PPP1R13B: variants seen among roughly 807,000 people sequenced by gnomAD.
PPP1R13B encodes apoptosis-stimulating of p53 protein 1.
In PPP1R13B, 44 loss-of-function variants were observed where a neutral mutation model predicts 119.8. The ratio of observed to expected loss-of-function variants is 0.37; its 90% confidence interval spans 0.29 to 0.47. The LOEUF is 0.47. PPP1R13B is among the 20% of genes least tolerant of loss of function. The probability of loss-of-function intolerance (pLI) is 0.99; values close to 1 mark genes in which losing one functional copy is unlikely to be tolerated. For synonymous variants in PPP1R13B, 542 were observed against 561.5 expected, an observed-to-expected ratio of 0.97 and a Z score of 0.49; for missense variants, 1,227 against 1,413.5, an observed-to-expected ratio of 0.87 and a Z score of 2.12.
At chr14:103,839,898 C>T (rs2086864247) in intron 1 of PPP1R13B, among the ~76,000 whole-genome samples, 1 of 152,198 alleles carries the variant, frequency 6.6e-6, no homozygotes, top group Non-Finnish European at 1.5e-5. Context: ...CCTCAGTTAA[C>T]ATTTTCTCTA....
intron 1 of PPP1R13B, among the ~76,000 whole-genome samples, chr14:103,806,190 T>A (rs1237352461): frequency 6.6e-6 from 1 of 152,188 alleles, no homozygotes; most frequent in Non-Finnish European, 1.5e-5. Context: ...AAGCTGCTCC[T>A]TAGTCTATCT....
chr14:103,831,623 T>C (rs559670595), intron 1 of PPP1R13B, among the ~76,000 whole-genome samples: 1 of 151,210 alleles, frequency 6.6e-6, no homozygotes, highest in African/African-American at 2.4e-5. Context: ...TTTTGCCTTT[T>C]TAAAGAGGCT....
chr14:103,774,649 C>T lies in PPP1R13B; in HGVS notation c.354+4096G>A, dbSNP rs150083276. ...TCCTGCCCTTCTCTTCCAACCCACACTCCCCCCTTTCTTCACAGCTCTCCT... is the reference window on the plus strand; with the variant it reads ...TCCTGCCCTTCTCTTCCAACCCACATTCCCCCCTTTCTTCACAGCTCTCCT... On this transcript the variant is annotated intron_variant, in intron 4 of 16. Transcript: ENST00000202556. Among the ~76,000 whole-genome samples the T allele has an allele frequency of 4.4e-3, 670 of 152,182 alleles. 4 individuals carry two copies. The highest frequency in any genetic ancestry group is 0.014 in the Middle Eastern group (4 of 294).
intron 1 of PPP1R13B, among the ~76,000 whole-genome samples, chr14:103,810,875 G>A (rs1212755515): frequency 6.6e-6 from 1 of 151,226 alleles, no homozygotes; most frequent in Non-Finnish European, 1.5e-5. Flanking sequence ...GATCACTTGA[G>A]GTCAGGAGTT....
Position 103,843,887 on chromosome 14 carries a change from A to AG in PPP1R13B, c.9+3411dup, listed in dbSNP as rs1377139330. ...AGAATCACTTGAACCCAGGAGGCAG[A>AG]GGTTGCAGTGAGCCGAGGTCATGCC... is the stretch of plus-strand genomic sequence containing the variant. On this transcript the variant is annotated intron_variant, in intron 1 of 16. Transcript: ENST00000202556. Among the ~76,000 whole-genome samples, 3 of 150,360 alleles carry AG rather than the reference A, an allele frequency of 2.0e-5. No individual in the cohort carries two copies. In the East Asian group the frequency reaches 5.9e-4, roughly 29 times the overall value.
Position 103,737,787 on chromosome 14 carries a change from TGGC to T in PPP1R13B, c.2935_2937del (p.Ala979del). 1 of 1,614,162 alleles carries T rather than the reference TGGC, an allele frequency of 6.2e-7. No individual in the cohort carries two copies. Among genetic ancestry groups the T allele is most frequent in the Non-Finnish European group, 8.5e-7 (1 of 1,180,018 alleles). On this transcript the variant is annotated inframe_deletion, in exon 15 of 17. Coordinates refer to ENST00000202556, the MANE Select transcript of PPP1R13B (RefSeq NM_015316.3). ...ATGTCGCTTATGGTTGAGGCAAAAA[TGGC>T]GGCACCACTCTCCACCAGCTGTTTG...
chr14:103,778,665 CA>C, intron 4 of PPP1R13B, 79 bp downstream of exon 4: 2 of 1,219,210 alleles, frequency 1.6e-6, no homozygotes, highest in South Asian at 2.5e-5. Flanking sequence ...CTTGGCCTCC[CA>C]AAGTGCTGAG....
At chr14:103,785,807 A>G (rs2085449602) in intron 2 of PPP1R13B, among the ~76,000 whole-genome samples, 1 of 152,120 alleles carries the variant, frequency 6.6e-6, no homozygotes, top group Admixed American at 6.6e-5. Flanking sequence ...GGTGTGAGCC[A>G]CTATGCTCAG....
intron 1 of PPP1R13B, among the ~76,000 whole-genome samples, chr14:103,841,947 G>A (rs957475471): frequency 1.3e-5 from 2 of 152,110 alleles, no homozygotes; most frequent in Admixed American, 6.5e-5. Flanking sequence ...ACTGAGGCCC[G>A]AAGAGACTAA....
chr14:103,750,269 G>A (rs1434783651), intron 7 of PPP1R13B, among the ~76,000 whole-genome samples: 2 of 152,216 alleles, frequency 1.3e-5, no homozygotes, highest in African/African-American at 4.8e-5. Context: ...CTTCAGGCCT[G>A]AGCCCACCAC....
At chr14:103,735,676 G>C (rs534171146) in intron 16 of PPP1R13B, among the ~76,000 whole-genome samples, 3 of 152,370 alleles carry the variant, frequency 2.0e-5, no homozygotes, top group Admixed American at 2.0e-4. Flanking sequence ...CTAGGCTGCA[G>C]AGATTTCTAG....
intron 1 of PPP1R13B, among the ~76,000 whole-genome samples, chr14:103,841,691 A>G (rs1200810831): frequency 6.6e-6 from 1 of 152,204 alleles, no homozygotes; most frequent in African/African-American, 2.4e-5. Context: ...AAGTCACCTA[A>G]TTCTTAATTA....
intron 2 of PPP1R13B, among the ~76,000 whole-genome samples, chr14:103,796,684 C>CGGT (rs1214569390): frequency 2.0e-5 from 3 of 152,100 alleles, no homozygotes; most frequent in Non-Finnish European, 4.4e-5. Flanking sequence ...TTGTCAGGTG[C>CGGT]GGTGGCTCAT....
chr14:103,823,901 G>T (rs529256874), intron 1 of PPP1R13B, among the ~76,000 whole-genome samples: 1 of 151,604 alleles, frequency 6.6e-6, no homozygotes, highest in Non-Finnish European at 1.5e-5. Context: ...TAAACAGCAG[G>T]TACATACATA....
rs1269761440 is a variant in PPP1R13B, at chr14:103,737,386, G to A, written c.3031+308C>T. On this transcript the variant is annotated intron_variant, in intron 15 of 16. Transcript: ENST00000202556. ...TCGAGACCACCCTGGGCAACATGGC[G>A]AAACACTGTCTCTACAAAAAAAAAA... 12 of 236,516 alleles carry A rather than the reference G, an allele frequency of 5.1e-5. 1 individual carries two copies. The highest frequency in any genetic ancestry group is 1.9e-4 in the African/African-American group (8 of 42,300). The allele number at this position is 236,516 out of a possible 1,614,324, so 14.7% of individuals were successfully genotyped here.
intron 1 of PPP1R13B, among the ~76,000 whole-genome samples, chr14:103,799,610 G>GTT (rs1282112848): frequency 8.7e-6 from 1 of 114,598 alleles, no homozygotes; most frequent in African/African-American, 3.8e-5. Context: ...ACTGTGCCGG[G>GTT]TTTTTTGTTT....
intron 4 of PPP1R13B, among the ~76,000 whole-genome samples, chr14:103,771,916 C>A (rs1283274060): frequency 6.6e-6 from 1 of 151,028 alleles, no homozygotes; most frequent in African/African-American, 2.5e-5. Context: ...GAAATCAGCA[C>A]AATCAAGAAA....
intron 15 of PPP1R13B, 68 bp downstream of exon 15, chr14:103,737,626 G>T: frequency 1.3e-6 from 2 of 1,535,642 alleles, no homozygotes; most frequent in South Asian, 1.2e-5. Context: ...CTCTGGCACC[G>T]GCTGACTGTT....
At chr14:103,748,441 A>T (rs11623518) in intron 8 of PPP1R13B, among the ~76,000 whole-genome samples, 12,132 of 152,272 alleles carry the variant, frequency 0.08, 534 homozygotes, top group Middle Eastern at 0.12. Flanking sequence ...CTTCAAGCCC[A>T]TGCTGCCTCC....
Sources: gnomAD v4.1 joint callset for allele counts (sites outside exome capture counted in the v4.1 genomes callset) on GRCh38, gnomAD v4.1.1 for gene constraint, MANE v1.5 for transcripts, NCBI Gene and HGNC (gene_info 2026-07-23, HGNC 2026-07-21) for gene names.